Variants in PTPRJ observed in about 807,000 individuals in gnomAD.
PTPRJ encodes the protein protein tyrosine phosphatase receptor type J, also known as receptor-type tyrosine-protein phosphatase eta.
A neutral mutation model predicts 141.3 loss-of-function variants in PTPRJ; 129 were observed. The observed-to-expected ratio is 0.91, with a 90% CI of 0.79 to 1.06. The LOEUF (loss-of-function observed/expected upper bound fraction) is 1.06. Among genes scored for constraint, PTPRJ ranks in the 50% least tolerant of loss-of-function variants. PTPRJ has a pLI of 0.00. For missense variants in PTPRJ, 1,601 were observed against 1,679.7 expected (o/e 0.95, Z 0.82); for synonymous variants, 610 against 640.5 (o/e 0.95, Z 0.72).
At chr11:48,123,545 C>T in intron 4 of PTPRJ, 68 bp from the exon 5 acceptor site, 1 of 1,512,976 alleles carries the variant, frequency 6.6e-7, no homozygotes, top group Admixed American at 2.0e-5. Context: ...CACTGAACCC[C>T]AGTCATTCTT....
chr11:48,098,149 A>G (rs368293220), intron 1 of PTPRJ, among the ~76,000 whole-genome samples: 1 of 152,132 alleles, frequency 6.6e-6, no homozygotes, highest in Non-Finnish European at 1.5e-5. Context: ...GCGCATGCCT[A>G]TTCAGTCTGA....
chr11:48,146,735 CTGTG>C, intron 14 of PTPRJ, 137 bp from the exon 15 acceptor site: 1 of 671,954 alleles, frequency 1.5e-6, no homozygotes, highest in Non-Finnish European at 2.7e-6. Context: ...GTGTGTGCGC[CTGTG>C]TGTGTGTGTG....
rs376833539 is a variant in PTPRJ, at chr11:48,024,259, G to A, written c.96+43251G>A. On this transcript the variant is annotated intron_variant, in intron 1 of 24. Coordinates refer to ENST00000418331, the MANE Select transcript of PTPRJ (RefSeq NM_002843.4). Reference sequence around the variant, plus strand: ...GACGACCAGGCTGGAGTGCAATGGCGTGATCTTTGCTTATTTCAACCTCCG... The same window carrying A: ...GACGACCAGGCTGGAGTGCAATGGCATGATCTTTGCTTATTTCAACCTCCG... Among the ~76,000 whole-genome samples the A allele has an allele frequency of 5.9e-5, 9 of 152,202 alleles. No homozygotes were observed. In the South Asian group the frequency reaches 8.3e-4, roughly 14 times the overall value.
intron 1 of PTPRJ, among the ~76,000 whole-genome samples, chr11:48,034,247 A>T (rs1238491764): frequency 2.6e-5 from 4 of 152,304 alleles, no homozygotes; most frequent in Admixed American, 2.6e-4. Flanking sequence ...CTTGAGCTAG[A>T]AAAAGAACAA....
At chr11:48,071,300 A>G (rs1360267450) in intron 1 of PTPRJ, among the ~76,000 whole-genome samples, 2 of 152,164 alleles carry the variant, frequency 1.3e-5, no homozygotes, top group Non-Finnish European at 2.9e-5. Flanking sequence ...TGCTGCTGTA[A>G]CAGAATACCT....
intron 1 of PTPRJ, among the ~76,000 whole-genome samples, chr11:48,103,941 G>C (rs943691023): frequency 3.6e-4 from 55 of 152,338 alleles, no homozygotes; most frequent in African/African-American, 1.3e-3. Context: ...GGGGATCTTT[G>C]CAGGGTGGTT....
chr11:48,111,700 G>C (rs1033075050), intron 2 of PTPRJ, among the ~76,000 whole-genome samples: 2 of 152,090 alleles, frequency 1.3e-5, no homozygotes, highest in Admixed American at 6.6e-5. Context: ...CAGAAATCAT[G>C]AGCTATTTTA....
At chr11:48,125,309 C>T (rs899375458) in intron 6 of PTPRJ, 123 bp downstream of exon 6, 142 of 1,070,950 alleles carry the variant, frequency 1.3e-4, no homozygotes, top group Non-Finnish European at 1.6e-4. Context: ...AGGGAGCTTC[C>T]TGGAGGAGAT....
At chr11:48,000,259 C>G (rs1161322635) in intron 1 of PTPRJ, among the ~76,000 whole-genome samples, 2 of 150,744 alleles carry the variant, frequency 1.3e-5, no homozygotes, top group African/African-American at 4.9e-5. Context: ...TCCTACCTTA[C>G]CTGCCTGAGT....
intron 3 of PTPRJ, among the ~76,000 whole-genome samples, chr11:48,120,602 G>A (rs958020329): frequency 2.0e-5 from 3 of 150,932 alleles, no homozygotes; most frequent in East Asian, 3.9e-4. Flanking sequence ...ATTTTTTTTT[G>A]TTTTTTTTGT....
Position 48,136,080 on chromosome 11 carries a change from A to C in PTPRJ, c.1657A>C (p.Thr553Pro). The change falls in exon 9 of 25, where the codon ACC becomes CCC. Residue 553 changes from threonine (T) to proline (P), a missense_variant. By Grantham distance (38) the Thr-to-Pro change is conservative. Transcript: ENST00000418331. ...TGACATCCACGTGGTCTACGTCACC[A>C]CCACGGAGATGTGGCTGGACTGGAA... Reference protein sequence around the residue: ...VFDIHVVYVTTTEMWLDWKSP... With the variant: ...VFDIHVVYVTPTEMWLDWKSP... 6.2e-7 allele frequency: 1 copy of C among 1,614,158 alleles called. No individual in the cohort carries two copies. The highest frequency in any genetic ancestry group is 1.1e-5 in the South Asian group (1 of 91,078).
intron 1 of PTPRJ, among the ~76,000 whole-genome samples, chr11:48,002,255 A>G (rs1489978845): frequency 1.3e-5 from 2 of 150,666 alleles, no homozygotes; most frequent in African/African-American, 4.9e-5. Context: ...CTTGTGCCTC[A>G]GCCTCCCGAG....
At chr11:48,021,305 C>T (rs1240326122) in intron 1 of PTPRJ, among the ~76,000 whole-genome samples, 2 of 151,770 alleles carry the variant, frequency 1.3e-5, no homozygotes, top group South Asian at 2.1e-4. Flanking sequence ...ACCCAGGAGG[C>T]GGAGGTTGCA....
intron 10 of PTPRJ, among the ~76,000 whole-genome samples, chr11:48,139,148 T>A (rs578240915): frequency 6.7e-6 from 1 of 149,786 alleles, no homozygotes; most frequent in Non-Finnish European, 1.5e-5. Flanking sequence ...AAAAAGGGGG[T>A]CCTCATGATG....
chr11:48,023,426 G>A (rs1170472654), intron 1 of PTPRJ, among the ~76,000 whole-genome samples: 1 of 152,100 alleles, frequency 6.6e-6, no homozygotes, highest in Non-Finnish European at 1.5e-5. Flanking sequence ...CCATTCTCAG[G>A]ATGAATCTTT....
At chr11:48,041,876 G>T (rs770959979) in intron 1 of PTPRJ, among the ~76,000 whole-genome samples, 1 of 151,268 alleles carries the variant, frequency 6.6e-6, no homozygotes, top group Non-Finnish European at 1.5e-5. Flanking sequence ...GCCTCCCAAA[G>T]TGTTGGGATT....
At chr11:48,130,158 C>T (rs2134351212) in intron 7 of PTPRJ, among the ~76,000 whole-genome samples, 1 of 150,964 alleles carries the variant, frequency 6.6e-6, no homozygotes, top group South Asian at 2.1e-4. Flanking sequence ...CCAGTGTGGC[C>T]AAGGTTCTCC....
chr11:48,147,262 A>G (rs1464973028), intron 15 of PTPRJ, among the ~76,000 whole-genome samples: 1 of 152,188 alleles, frequency 6.6e-6, no homozygotes, highest in Non-Finnish European at 1.5e-5. Context: ...AAGAGATTTC[A>G]TTTCAGAGGT....
At chr11:48,089,372 C>T (rs890182161) in intron 1 of PTPRJ, among the ~76,000 whole-genome samples, 5 of 151,990 alleles carry the variant, frequency 3.3e-5, no homozygotes, top group African/African-American at 1.2e-4. Context: ...GAAAACTATC[C>T]AGGCATAATG....
Sources: allele counts gnomAD v4.1 joint callset (sites outside exome capture counted in the v4.1 genomes callset), GRCh38; gene constraint gnomAD v4.1.1; transcripts MANE v1.5; gene names NCBI Gene and HGNC (gene_info 2026-07-23, HGNC 2026-07-21).